MCPH1: variants seen among roughly 807,000 people sequenced by gnomAD.
MCPH1 encodes microcephalin.
MCPH1 carries 104 observed loss-of-function variants against 84.5 expected under a neutral mutation model. That is an observed-to-expected ratio of 1.23 (90% confidence interval 1.05 to 1.45). The LOEUF (loss-of-function observed/expected upper bound fraction) is 1.45, where lower values mean the gene tolerates loss of function less well. MCPH1 is among the 40% of genes most tolerant of loss of function. The pLI is 0.00. For missense variants in MCPH1, 1,498 were observed against 1,005.7 expected (o/e 1.49, Z -6.62); for synonymous variants, 514 against 366.8 (o/e 1.40, Z -4.58).
intron 12 of MCPH1, among the ~76,000 whole-genome samples, chr8:6,601,600 A>G (rs1310975189): frequency 3.3e-5 from 5 of 149,344 alleles, no homozygotes; most frequent in African/African-American, 1.3e-4. Flanking sequence ...CCAGAAATAC[A>G]CACACCATAC....
intron 2 of MCPH1, among the ~76,000 whole-genome samples, chr8:6,413,612 A>G (rs955843753): frequency 2.0e-5 from 3 of 151,364 alleles, no homozygotes; most frequent in African/African-American, 4.9e-5. Context: ...CTCTTCTACT[A>G]CCAGTGAGCT....
intron 9 of MCPH1, among the ~76,000 whole-genome samples, chr8:6,463,485 C>T (rs1306649954): frequency 3.9e-5 from 6 of 152,132 alleles, no homozygotes; most frequent in Non-Finnish European, 7.4e-5. Context: ...GTCTTTATTG[C>T]GGAGGCAGTA....
chr8:6,642,865 G>A (rs1437985269), intron 13 of MCPH1, 129 bp from the exon 14 acceptor site: 2 of 793,092 alleles, frequency 2.5e-6, no homozygotes, highest in Non-Finnish European at 4.3e-6. Flanking sequence ...GGACGTGGGG[G>A]GGCCTATGGA....
At chr8:6,502,958 A>T in intron 12 of MCPH1, 1 of 907,624 alleles carries the variant, frequency 1.1e-6, no homozygotes. Flanking sequence ...ACAGGCTCTA[A>T]TCTGGAGCAT....
At position 6,428,743 on chromosome 8, in the gene MCPH1, A is replaced by ATG. The variant is rs947311929; in HGVS notation, c.234-2756_234-2755insTG. Among the ~76,000 whole-genome samples the ATG allele has an allele frequency of 4.6e-4, 66 of 142,406 alleles. No individual in the cohort carries two copies. In the South Asian group the frequency reaches 8.4e-3, roughly 18 times the overall value. 93.4% of individuals were successfully genotyped at this position (142,406 alleles called of 152,430 possible). ...TGTTCCATTGTATGGACACGTGCGCACGCACACACACACACACACACACAC... is the reference window on the plus strand; with the variant it reads ...TGTTCCATTGTATGGACACGTGCGCATGCGCACACACACACACACACACACAC... On this transcript the variant is annotated intron_variant, in intron 3 of 13. Coordinates refer to ENST00000344683, the MANE Select transcript of MCPH1 (RefSeq NM_024596.5).
intron 12 of MCPH1, among the ~76,000 whole-genome samples, chr8:6,538,275 C>A (rs563160592): frequency 6.6e-6 from 1 of 152,208 alleles, no homozygotes; most frequent in South Asian, 2.1e-4. Context: ...ATCTGTCTTA[C>A]ACACACACAT....
intron 11 of MCPH1, among the ~76,000 whole-genome samples, chr8:6,481,907 A>T (rs955405128): frequency 1.3e-5 from 2 of 152,214 alleles, no homozygotes; most frequent in Non-Finnish European, 2.9e-5. Context: ...TGAAAATATT[A>T]AATGGGAAAT....
chr8:6,527,448 C>T, intron 12 of MCPH1: 1 of 1,400,842 alleles, frequency 7.1e-7, no homozygotes, highest in South Asian at 1.4e-5. Context: ...GACCCTTACA[C>T]TAGACATGAA....
chr8:6,617,162 G>C (rs1241335545), intron 12 of MCPH1: 1 of 150,494 alleles, frequency 6.6e-6, no homozygotes, highest in East Asian at 1.9e-4. Context: ...GTGTTCTTCG[G>C]ATTGTCCTTT....
At position 6,497,710 on chromosome 8, in the gene MCPH1, C is replaced by T. The variant is rs11780109; in HGVS notation, c.2137-2142C>T. 3.0e-3 allele frequency among the ~76,000 whole-genome samples: 457 copies of T among 152,262 alleles called. 1 individual carries two copies. Among genetic ancestry groups the T allele is most frequent in the Non-Finnish European group, 5.0e-3 (338 of 68,022 alleles). ...AGACATCGAAATGCATATGTGGCGG[C>T]AGGAGGTGTATGGGAGCTCTCTGTA... is the stretch of plus-strand genomic sequence containing the variant. On this transcript the variant is annotated intron_variant, in intron 11 of 13. Coordinates refer to ENST00000344683, the MANE Select transcript of MCPH1 (RefSeq NM_024596.5).
intron 12 of MCPH1, chr8:6,501,553 C>CTTTTTT (rs761570329): frequency 7.8e-5 from 10 of 128,004 alleles, no homozygotes; most frequent in East Asian, 2.1e-4. Flanking sequence ...TCTTTTCTTT[C>CTTTTTT]TTTTTTTTTT....
chr8:6,612,048 C>T (rs1179419459), intron 12 of MCPH1, among the ~76,000 whole-genome samples: 3 of 152,186 alleles, frequency 2.0e-5, no homozygotes, highest in Non-Finnish European at 4.4e-5. Context: ...GCACGTTCCT[C>T]TGGCACTCGG....
chr8:6,416,963 T>C (rs2440436), intron 3 of MCPH1, among the ~76,000 whole-genome samples: 147,344 of 151,824 alleles, frequency 0.97, 71,621 homozygotes, highest in East Asian at 1. Context: ...CATTGCACTT[T>C]AGCCTGGGCG....
At chr8:6,416,506 G>C (rs1361329068) in intron 3 of MCPH1, among the ~76,000 whole-genome samples, 1 of 152,124 alleles carries the variant, frequency 6.6e-6, no homozygotes, top group Non-Finnish European at 1.5e-5. Context: ...CAGGTTGTTT[G>C]TTTGTTTCTG....
chr8:6,532,668 G>A (rs1211360237), intron 12 of MCPH1, among the ~76,000 whole-genome samples: 1 of 151,590 alleles, frequency 6.6e-6, no homozygotes, highest in African/African-American at 2.4e-5. Flanking sequence ...AATACAGTGT[G>A]ATTTTATTTT....
chr8:6,450,690 G>A (rs543008988), intron 8 of MCPH1, among the ~76,000 whole-genome samples: 1 of 151,832 alleles, frequency 6.6e-6, no homozygotes, highest in East Asian at 1.9e-4. Context: ...ATCCATTTTG[G>A]CTTTTAACAA....
At chr8:6,540,333 G>T (rs1386285006) in intron 12 of MCPH1, among the ~76,000 whole-genome samples, 2 of 152,054 alleles carry the variant, frequency 1.3e-5, no homozygotes, top group African/African-American at 2.4e-5. Context: ...TGATAAAGTG[G>T]CTATTTCTCA....
chr8:6,434,733 G>A (rs115149172), intron 4 of MCPH1, among the ~76,000 whole-genome samples: 2 of 152,312 alleles, frequency 1.3e-5, no homozygotes, highest in South Asian at 4.1e-4. Context: ...TATGAGACTG[G>A]AGCAAAAGAA....
At chr8:6,568,245 C>T (rs59363486) in intron 12 of MCPH1, among the ~76,000 whole-genome samples, 3,157 of 119,464 alleles carry the variant, frequency 0.026, 114 homozygotes, top group African/African-American at 0.12. Flanking sequence ...GTGGACCCAT[C>T]GCTAGCTGAA....
Sources: gnomAD v4.1 joint callset for allele counts (sites outside exome capture counted in the v4.1 genomes callset) on GRCh38, gnomAD v4.1.1 for gene constraint, MANE v1.5 for transcripts, NCBI Gene and HGNC (gene_info 2026-07-23, HGNC 2026-07-21) for gene names.